GNPDA2: variants seen among roughly 807,000 people sequenced by gnomAD.
GNPDA2 encodes glucosamine-6-phosphate deaminase 2.
In GNPDA2, 24 loss-of-function variants were observed where a neutral mutation model predicts 27.0. The observed-to-expected ratio is 0.89, with a 90% CI of 0.64 to 1.25. The LOEUF is 1.25. GNPDA2 is among the 50% of genes most tolerant of loss of function. GNPDA2 has a pLI of 0.00. For missense variants in GNPDA2, 286 were observed against 335.1 expected, an observed-to-expected ratio of 0.85 and a Z score of 1.14; for synonymous variants, 94 against 108.4, an observed-to-expected ratio of 0.87 and a Z score of 0.83.
chr4:44,722,171 T>A lies in GNPDA2; in HGVS notation c.37A>T (p.Ser13Cys), dbSNP rs1717714183. The A allele has an allele frequency of 5.6e-6, 9 of 1,612,834 alleles. No homozygotes were observed. The highest frequency in any genetic ancestry group is 7.6e-6 in the Non-Finnish European group (9 of 1,178,908). ...CAGATGTATTTGGCTGCCCATTCAC[T>A]AGCCAAGTCATAGTTATCAAGAATT... is the stretch of plus-strand genomic sequence containing the variant. ...LVILDNYDLA[S>C]EWAAKYICNR... The change falls in exon 2 of 7, where the codon AGT becomes TGT. Residue 13 changes from serine (S) to cysteine (C), a missense_variant. Ser to Cys is a moderately radical substitution (Grantham distance 112, BLOSUM62 -1). Transcript: ENST00000295448.
intron 4 of GNPDA2, among the ~76,000 whole-genome samples, chr4:44,714,076 A>G (rs1717136744): frequency 6.6e-6 from 1 of 151,900 alleles, no homozygotes; most frequent in African/African-American, 2.4e-5. Context: ...GGTTCAAGTG[A>G]TTCTCCTGCC....
At chr4:44,719,686 G>A (rs1446487716) in intron 2 of GNPDA2, among the ~76,000 whole-genome samples, 3 of 151,662 alleles carry the variant, frequency 2.0e-5, no homozygotes, top group African/African-American at 7.3e-5. Context: ...AGTTATAGGA[G>A]TCTCTCAATT....
At chr4:44,703,808 G>A in intron 6 of GNPDA2, 3 of 985,190 alleles carry the variant, frequency 3.0e-6, no homozygotes, top group Non-Finnish European at 3.6e-6. Context: ...TTGGGAAATA[G>A]CTGATCTTCC....
Position 44,702,923 on chromosome 4 carries a change from A to G in GNPDA2, c.*158T>C. 1 of 1,461,558 alleles carries G rather than the reference A, an allele frequency of 6.8e-7. No individual in the cohort carries two copies. The highest frequency in any genetic ancestry group is 1.5e-5 in the African/African-American group (1 of 68,930). 90.5% of individuals were successfully genotyped at this position (1,461,558 alleles called of 1,614,324 possible). On this transcript the variant is annotated 3_prime_UTR_variant, in exon 7 of 7. Coordinates refer to ENST00000295448, the MANE Select transcript of GNPDA2 (RefSeq NM_138335.3). The stretch of plus-strand genomic sequence containing the variant: ...CTCTTAAACCCAAGTACAAGATATA[A>G]ATATTCAAAATATGGAATGTTTAAC...
At chr4:44,709,556 T>C (rs1034578416) in intron 5 of GNPDA2, among the ~76,000 whole-genome samples, 2 of 152,162 alleles carry the variant, frequency 1.3e-5, no homozygotes, top group Admixed American at 6.6e-5. Context: ...AGATGTTGCA[T>C]TGATACAGCT....
At position 44,702,703 on chromosome 4, in the gene GNPDA2, A is replaced by C. The variant is rs574291442; in HGVS notation, c.*378T>G. The C allele has an allele frequency of 4.6e-4, 473 of 1,038,164 alleles. No individual in the cohort carries two copies. Among genetic ancestry groups the C allele is most frequent in the Non-Finnish European group, 5.2e-4 (446 of 865,308 alleles). The allele number at this position is 1,038,164 out of a possible 1,614,324, so 64.3% of individuals were successfully genotyped here. On this transcript the variant is annotated 3_prime_UTR_variant, in exon 7 of 7. Transcript: ENST00000295448. ...CTGCAATGATAGTTTGTTATCTGAA[A>C]GGTTTGGAGTGTCTTGTCATTAAAA...
intron 6 of GNPDA2, chr4:44,704,809 C>T (rs1028500227): frequency 1.1e-5 from 11 of 982,778 alleles, no homozygotes; most frequent in Non-Finnish European, 1.3e-5. Context: ...AAAATGAACT[C>T]ATTCTACCTT....
intron 4 of GNPDA2, among the ~76,000 whole-genome samples, chr4:44,716,435 C>A (rs532540313): frequency 4.6e-5 from 7 of 151,840 alleles, no homozygotes; most frequent in Non-Finnish European, 1.0e-4. Flanking sequence ...AATTAGCTAG[C>A]TGTCTGCGAT....
intron 2 of GNPDA2, 87 bp downstream of exon 2, chr4:44,721,997 G>T: frequency 9.8e-7 from 1 of 1,015,980 alleles, no homozygotes; most frequent in South Asian, 1.6e-5. Flanking sequence ...AATGAATGGG[G>T]AAAGTATCTT....
At chr4:44,704,966 C>T (rs1298437491) in intron 6 of GNPDA2, 2 of 984,004 alleles carry the variant, frequency 2.0e-6, no homozygotes, top group Non-Finnish European at 2.4e-6. Context: ...ACGTACTAAA[C>T]TTGTTGTCTT....
rs1299189036 is a variant in GNPDA2, at chr4:44,717,222, A to C, written c.300T>G (p.Asp100Glu). Residue 100 changes from aspartate (D) to glutamate (E), a missense_variant, in exon 4 of 7, where the codon GAT (aspartate) becomes GAG (glutamate). Coordinates refer to ENST00000295448, the MANE Select transcript of GNPDA2 (RefSeq NM_138335.3). ...WNNFFKHIDI[D>E]PNNAHILDGN... ...CGTCAAGGATATGTGCATTATTAGG[A>C]TCTATATCGATATGCTTAAAAAAAT... is the stretch of plus-strand genomic sequence containing the variant. 1 of 1,588,944 alleles carries C rather than the reference A, an allele frequency of 6.3e-7. No homozygotes were observed. The highest frequency in any genetic ancestry group is 8.6e-7 in the Non-Finnish European group (1 of 1,161,634).
rs563782159 is a variant in GNPDA2, at chr4:44,724,248, A to T, written c.-35-2006T>A. ...CCCCAGACCTTGGTGTTTTCCTTTG[A>T]TTTAGCTTTAGGAAGTCAGCACGAA... On this transcript the variant is annotated intron_variant, in intron 1 of 6. Coordinates refer to ENST00000295448, the MANE Select transcript of GNPDA2 (RefSeq NM_138335.3). 5.4e-4 allele frequency among the ~76,000 whole-genome samples: 82 copies of T among 152,128 alleles called. 1 individual carries two copies. The South Asian group carries it at 7.9e-3, about 15-fold the overall frequency.
At chr4:44,715,359 G>C (rs979756655) in intron 4 of GNPDA2, among the ~76,000 whole-genome samples, 2 of 152,022 alleles carry the variant, frequency 1.3e-5, no homozygotes, top group Admixed American at 6.6e-5. Flanking sequence ...CTTATGTAAG[G>C]TCAATAAATT....
At chr4:44,704,464 T>TTCAG in intron 6 of GNPDA2, 2 of 838,614 alleles carry the variant, frequency 2.4e-6, no homozygotes, top group Non-Finnish European at 1.4e-6. Flanking sequence ...TCAGTAAATA[T>TTCAG]TAAAAATTCA....
chr4:44,722,331 G>C (rs555855947), intron 1 of GNPDA2, 89 bp from the exon 2 acceptor site: 2 of 946,964 alleles, frequency 2.1e-6, no homozygotes, highest in South Asian at 1.8e-5. Flanking sequence ...AATAAATAGA[G>C]CACTGAAACA....
chr4:44,725,341 G>C (rs1717943146), intron 1 of GNPDA2, among the ~76,000 whole-genome samples: 1 of 152,146 alleles, frequency 6.6e-6, no homozygotes, highest in Admixed American at 6.5e-5. Context: ...CTGACTCAAA[G>C]AGACATTAGC....
At chr4:44,723,922 T>C (rs1186778922) in intron 1 of GNPDA2, among the ~76,000 whole-genome samples, 1 of 152,182 alleles carries the variant, frequency 6.6e-6, no homozygotes, top group Admixed American at 6.5e-5. Flanking sequence ...ATTTGGTCCG[T>C]GGCTAATTAA....
At chr4:44,721,628 A>T (rs972269649) in intron 2 of GNPDA2, among the ~76,000 whole-genome samples, 1 of 142,452 alleles carries the variant, frequency 7.0e-6, no homozygotes, top group African/African-American at 2.6e-5. Flanking sequence ...GCTAATAAAC[A>T]TTATATAATA....
At chr4:44,704,316 T>C (rs1716454690) in intron 6 of GNPDA2, 1 of 974,800 alleles carries the variant, frequency 1.0e-6, no homozygotes, top group Non-Finnish European at 1.2e-6. Flanking sequence ...CTGTATGATT[T>C]AGAAGATGCA....
Sources: gnomAD v4.1 joint callset for allele counts (sites outside exome capture counted in the v4.1 genomes callset) on GRCh38, gnomAD v4.1.1 for gene constraint, MANE v1.5 for transcripts, NCBI Gene and HGNC (gene_info 2026-07-23, HGNC 2026-07-21) for gene names.